Variants in RHOBTB1 observed in about 807,000 individuals in gnomAD.
RHOBTB1 encodes rho-related BTB domain-containing protein 1.
Under a neutral mutation model 71.6 loss-of-function variants are expected in RHOBTB1, and 40 were observed. The observed-to-expected ratio is 0.56, with a 90% CI of 0.43 to 0.73. The LOEUF (loss-of-function observed/expected upper bound fraction) is 0.73, where lower values mean the gene tolerates loss of function less well. RHOBTB1 is among the 30% of genes least tolerant of loss of function. The pLI is 0.00. For missense variants in RHOBTB1, 797 were observed against 894.0 expected, an observed-to-expected ratio of 0.89 and a Z score of 1.38; for synonymous variants, 319 against 334.9, an observed-to-expected ratio of 0.95 and a Z score of 0.52.
chr10:60,871,744 T>TG, intron 10 of RHOBTB1, 93 bp from the exon 11 acceptor site: 1 of 1,213,298 alleles, frequency 8.2e-7, no homozygotes, highest in Non-Finnish European at 1.2e-6. Flanking sequence ...AAATATCCTC[T>TG]CAAAAACGTG....
intron 1 of RHOBTB1, among the ~76,000 whole-genome samples, chr10:60,986,433 A>AT (rs35572813): frequency 0.45 from 60,906 of 134,924 alleles, 14,532 homozygotes; most frequent in East Asian, 0.7. Context: ...ATATATATAA[A>AT]ATATATATAG....
intron 1 of RHOBTB1, among the ~76,000 whole-genome samples, chr10:60,990,026 AG>A (rs2086804007): frequency 7.9e-6 from 1 of 126,744 alleles, no homozygotes; most frequent in South Asian, 2.4e-4. Context: ...TCTGTCGCCT[AG>A]GCTGGAGTGC....
chr10:60,999,143 G>A (rs1319379523), intron 1 of RHOBTB1, among the ~76,000 whole-genome samples: 1 of 152,202 alleles, frequency 6.6e-6, no homozygotes, highest in Non-Finnish European at 1.5e-5. Flanking sequence ...ACAAAGTAGA[G>A]CAGAGGTTAA....
chr10:60,920,638 A>AGTTTTGTTTT (rs572223910), intron 2 of RHOBTB1, among the ~76,000 whole-genome samples: 95 of 146,484 alleles, frequency 6.5e-4, no homozygotes, highest in African/African-American at 2.2e-3. Flanking sequence ...TTTTTTTTTA[A>AGTTTTGTTTT]GTTTTGTTTT....
At chr10:60,882,915 T>C (rs761763046) in intron 7 of RHOBTB1, among the ~76,000 whole-genome samples, 5 of 152,198 alleles carry the variant, frequency 3.3e-5, no homozygotes, top group Non-Finnish European at 7.3e-5. Context: ...TTATTGAACA[T>C]TTGTATGTTC....
chr10:60,938,064 C>A (rs1589370122), intron 2 of RHOBTB1, among the ~76,000 whole-genome samples: 1 of 152,290 alleles, frequency 6.6e-6, no homozygotes, highest in East Asian at 1.9e-4. Context: ...TCGAACAGAT[C>A]ACTTAAGAAA....
At chr10:60,866,861 C>T (rs2080637175), downstream of RHOBTB1, among the ~76,000 whole-genome samples, 1 of 152,082 alleles carries the variant, frequency 6.6e-6, no homozygotes, top group Admixed American at 6.6e-5. Context: ...AAGCACTAAG[C>T]AGCAAGGTCA....
chr10:60,910,610 C>A (rs961443199), intron 4 of RHOBTB1, among the ~76,000 whole-genome samples: 1 of 152,192 alleles, frequency 6.6e-6, no homozygotes, highest in African/African-American at 2.4e-5. Context: ...AAGCAGCCCG[C>A]AGTTGGAGGG....
chr10:60,902,731 A>G (rs1589244866), intron 4 of RHOBTB1, among the ~76,000 whole-genome samples: 1 of 152,328 alleles, frequency 6.6e-6, no homozygotes, highest in East Asian at 1.9e-4. Context: ...CATCACCTGC[A>G]GGTTGATCCA....
chr10:60,993,695 G>A (rs984383430), intron 1 of RHOBTB1, among the ~76,000 whole-genome samples: 4 of 151,162 alleles, frequency 2.6e-5, no homozygotes, highest in Non-Finnish European at 4.4e-5. Context: ...GCTCTACGGT[G>A]TATATTTTAT....
rs3049595 is a variant in RHOBTB1, at chr10:60,932,513, TA to T, written c.-11+9290del. 8.9e-3 allele frequency among the ~76,000 whole-genome samples: 965 copies of T among 107,938 alleles called. 8 individuals carry two copies. The highest frequency in any genetic ancestry group is 0.026 in the African/African-American group (744 of 28,282). 70.8% of individuals were successfully genotyped at this position (107,938 alleles called of 152,430 possible). A position where few individuals can be genotyped will look rare whatever the true frequency, so the allele number is the denominator to read the frequency against. On this transcript the variant is annotated intron_variant, in intron 2 of 10. Transcript: ENST00000337910. ...GTTATACTTCAATACTTTCTTAAAG[TA>T]AAAAAAAAAAAAAAAAAAGACAGAA...
intron 2 of RHOBTB1, among the ~76,000 whole-genome samples, chr10:60,976,914 G>A (rs983927591): frequency 1.3e-5 from 2 of 151,992 alleles, no homozygotes; most frequent in African/African-American, 4.8e-5. Context: ...TGACAGCTCA[G>A]CTAACAAGCC....
At chr10:60,949,090 G>A (rs1297719433), upstream of RHOBTB1, among the ~76,000 whole-genome samples, 1 of 152,202 alleles carries the variant, frequency 6.6e-6, no homozygotes, top group African/African-American at 2.4e-5. Flanking sequence ...CTTCATTAAT[G>A]CTAAGTATTG....
intron 7 of RHOBTB1, among the ~76,000 whole-genome samples, chr10:60,880,584 C>A (rs1181149547): frequency 6.6e-6 from 1 of 152,168 alleles, no homozygotes; most frequent in Admixed American, 6.5e-5. Flanking sequence ...TTACCATAAA[C>A]GATTTGACAA....
At chr10:60,944,531 C>G (rs935973592), upstream of RHOBTB1, among the ~76,000 whole-genome samples, 1 of 152,114 alleles carries the variant, frequency 6.6e-6, no homozygotes, top group Non-Finnish European at 1.5e-5. Context: ...CCCGCGCTGC[C>G]GGGAGGGGAG....
chr10:60,866,425 A>T (rs565974313), downstream of RHOBTB1, among the ~76,000 whole-genome samples: 1 of 152,348 alleles, frequency 6.6e-6, no homozygotes, highest in East Asian at 1.9e-4. Context: ...TATATAAAGA[A>T]ACCCATGTTT....
intron 2 of RHOBTB1, among the ~76,000 whole-genome samples, chr10:60,985,690 C>T (rs545166152): frequency 2.0e-5 from 3 of 152,162 alleles, no homozygotes; most frequent in African/African-American, 4.8e-5. Flanking sequence ...AACTAAAAAA[C>T]GAAATATTTC....
At chr10:60,945,070 T>G (rs764808789), upstream of RHOBTB1, among the ~76,000 whole-genome samples, 5 of 152,150 alleles carry the variant, frequency 3.3e-5, no homozygotes, top group African/African-American at 7.2e-5. Context: ...TTTCATGCAT[T>G]CACATAAATG....
chr10:60,969,701 G>C lies in RHOBTB1; in HGVS notation c.-62+16144C>G, dbSNP rs551059331. Among the ~76,000 whole-genome samples the C allele has an allele frequency of 3.1e-4, 47 of 152,198 alleles. 1 individual carries two copies. Among genetic ancestry groups the C allele is most frequent in the Admixed American group, 1.1e-3 (17 of 15,278 alleles). On this transcript the variant is annotated intron_variant, in intron 2 of 11. Transcript: ENST00000357917. ...TCACTTCAGTTGTCAGAAGAGTTTA[G>C]GATCATCATCTATGACCTTTGAAGT...
Sources: gnomAD v4.1 joint callset for allele counts (sites outside exome capture counted in the v4.1 genomes callset) on GRCh38, gnomAD v4.1.1 for gene constraint, MANE v1.5 for transcripts, NCBI Gene and HGNC (gene_info 2026-07-23, HGNC 2026-07-21) for gene names.